FGF12: variants seen among roughly 807,000 people sequenced by gnomAD.
FGF12 encodes fibroblast growth factor 12, also known as fibroblast growth factor 12B.
A neutral mutation model predicts 23.6 loss-of-function variants in FGF12; 14 were observed. That is an observed-to-expected ratio of 0.59 (90% CI 0.39 to 0.93). FGF12 has a LOEUF of 0.93. FGF12 is among the 40% of genes least tolerant of loss of function. FGF12 has a pLI of 0.00. For synonymous variants in FGF12, 62 were observed against 77.3 expected, an observed-to-expected ratio of 0.80 and a Z score of 1.04; for missense variants, 175 against 217.8, an observed-to-expected ratio of 0.80 and a Z score of 1.24.
intron 2 of FGF12, among the ~76,000 whole-genome samples, chr3:192,461,993 GA>G (rs796434926): frequency 0.027 from 3,669 of 135,452 alleles, 116 homozygotes; most frequent in African/African-American, 0.085. Flanking sequence ...TCTGTCACAA[GA>G]AAAAAAAAAA....
intron 2 of FGF12, among the ~76,000 whole-genome samples, chr3:192,403,269 C>T (rs974753470): frequency 2.0e-5 from 3 of 152,172 alleles, no homozygotes; most frequent in African/African-American, 7.2e-5. Flanking sequence ...AATGCAGAGA[C>T]TGCCTCACTT....
At chr3:192,260,814 C>T (rs531305369) in intron 4 of FGF12, among the ~76,000 whole-genome samples, 1 of 152,214 alleles carries the variant, frequency 6.6e-6, no homozygotes, top group Non-Finnish European at 1.5e-5. Context: ...TTAAACTTTA[C>T]TAGGCTCTAA....
intron 4 of FGF12, among the ~76,000 whole-genome samples, chr3:192,246,411 G>T (rs1711566179): frequency 1.3e-5 from 2 of 152,168 alleles, no homozygotes; most frequent in Admixed American, 1.3e-4. Context: ...TTAAGATGTT[G>T]TAGATAGATA....
At chr3:192,289,002 G>C (rs913949958) in intron 4 of FGF12, among the ~76,000 whole-genome samples, 12 of 152,004 alleles carry the variant, frequency 7.9e-5, no homozygotes, top group Non-Finnish European at 1.5e-4. Flanking sequence ...GCTACAAGAG[G>C]AAACCACTCA....
chr3:192,620,041 C>G (rs192621252), intron 2 of FGF12, among the ~76,000 whole-genome samples: 1 of 152,128 alleles, frequency 6.6e-6, no homozygotes, highest in East Asian at 1.9e-4. Context: ...GCTCAGTGGG[C>G]GAGAAGAGCT....
At chr3:192,147,222 T>C (rs1240147844) in intron 5 of FGF12, among the ~76,000 whole-genome samples, 2 of 152,238 alleles carry the variant, frequency 1.3e-5, no homozygotes, top group Non-Finnish European at 2.9e-5. Context: ...TCTTGAGCAT[T>C]AATTTTCATT....
intron 2 of FGF12, among the ~76,000 whole-genome samples, chr3:192,462,970 G>A (rs1306369105): frequency 2.0e-5 from 3 of 152,182 alleles, no homozygotes; most frequent in Admixed American, 2.0e-4. Flanking sequence ...GTGGGGATAT[G>A]AAACCATGCT....
rs1234555433 is a variant in FGF12 at position 192,141,127 on chromosome 3, CCAAAA to C, written c.*2877_*2881del. The C allele has an allele frequency of 1.8e-3, 40 of 21,856 alleles. No homozygotes were observed. Among genetic ancestry groups the C allele is most frequent in the African/African-American group, 8.5e-3 (39 of 4,614 alleles). The allele number at this position is 21,856 out of a possible 1,614,324, so 1.4% of individuals were successfully genotyped here. ...TCCTGGGAAAAATCCCAATGCAACT[CCAAAA>C]AAAAAAAAAAAAAAAAAAAAAAGCT... On this transcript the variant is annotated 3_prime_UTR_variant, in exon 6 of 6. Coordinates refer to ENST00000445105, the MANE Select transcript of FGF12 (RefSeq NM_004113.6).
chr3:192,585,091 C>T (rs1229582762), intron 2 of FGF12, among the ~76,000 whole-genome samples: 1 of 152,104 alleles, frequency 6.6e-6, no homozygotes, highest in Non-Finnish European at 1.5e-5. Flanking sequence ...GAAAAAGTTA[C>T]CCTGCTTTCA....
At chr3:192,585,907 T>A (rs1472202672) in intron 2 of FGF12, among the ~76,000 whole-genome samples, 1 of 152,142 alleles carries the variant, frequency 6.6e-6, no homozygotes, top group Non-Finnish European at 1.5e-5. Flanking sequence ...TAGCAACATA[T>A]CTAAGAACTA....
chr3:192,224,397 A>G (rs1034735384), intron 4 of FGF12, among the ~76,000 whole-genome samples: 17 of 152,154 alleles, frequency 1.1e-4, no homozygotes, highest in African/African-American at 3.6e-4. Flanking sequence ...CTTGTTTTAT[A>G]TAGTAAATAA....
chr3:192,656,312 CACACACACAGAGAG>C (rs1716419836), intron 2 of FGF12, among the ~76,000 whole-genome samples: 1 of 93,342 alleles, frequency 1.1e-5, no homozygotes. Context: ...CACACACACA[CACACACACAGAGAG>C]AGAATTATAG....
intron 2 of FGF12, among the ~76,000 whole-genome samples, chr3:192,552,015 T>C (rs767605908): frequency 2.0e-5 from 3 of 151,964 alleles, no homozygotes; most frequent in Non-Finnish European, 4.4e-5. Context: ...AGATATAAAC[T>C]TAAAGAAAAA....
Position 192,514,966 on chromosome 3 carries a change from C to A in FGF12, c.14-154428G>T. 1 of 676,722 alleles carries A rather than the reference C, an allele frequency of 1.5e-6. No individual in the cohort carries two copies. Among genetic ancestry groups the A allele is most frequent in the Non-Finnish European group, 1.8e-6 (1 of 548,040 alleles). The allele number at this position is 676,722 out of a possible 1,614,324, so 41.9% of individuals were successfully genotyped here. A position where few individuals can be genotyped will look rare whatever the true frequency, so the allele number is the denominator to read the frequency against. ...TGCCGGTCCGCCGGGGGCAGCCCTC[C>A]GAGAGCCCGAGGCGCTGCCACCCCT... is the stretch of plus-strand genomic sequence containing the variant. On this transcript the variant is annotated intron_variant, in intron 2 of 5. Transcript: ENST00000445105. The surrounding 1 kb of genome is among the most constrained non-coding windows in gnomAD (Gnocchi z 4.9).
intron 2 of FGF12, among the ~76,000 whole-genome samples, chr3:192,460,563 A>G (rs1035885831): frequency 6.6e-6 from 1 of 151,964 alleles, no homozygotes; most frequent in Non-Finnish European, 1.5e-5. Context: ...CAGCAAGCAC[A>G]GGCTACAGAC....
rs190137009 is a variant in FGF12, at chr3:192,692,658, A to G, written c.13+34523T>C. Among the ~76,000 whole-genome samples, 181 of 151,858 alleles carry G rather than the reference A, an allele frequency of 1.2e-3. 4 individuals are homozygous for G. The highest frequency in any genetic ancestry group is 4.1e-3 in the African/African-American group (169 of 41,362). ...AGAGTGGAAGTTGCAGTGAGCTAAGATCACACCACTATAATCCAGCAGCCT... is the reference window on the plus strand; with the variant it reads ...AGAGTGGAAGTTGCAGTGAGCTAAGGTCACACCACTATAATCCAGCAGCCT... On this transcript the variant is annotated intron_variant, in intron 2 of 5. Transcript: ENST00000445105.
chr3:192,416,740 C>T (rs1298337147), intron 2 of FGF12, among the ~76,000 whole-genome samples: 3 of 152,068 alleles, frequency 2.0e-5, no homozygotes, highest in Non-Finnish European at 4.4e-5. Flanking sequence ...GTAATTTTTA[C>T]ATAAAACAAT....
chr3:192,310,428 C>A (rs1028620704), intron 4 of FGF12, among the ~76,000 whole-genome samples: 5 of 152,060 alleles, frequency 3.3e-5, no homozygotes, highest in East Asian at 1.9e-4. Flanking sequence ...TCAGTTAGAG[C>A]CCTTTTAAAA....
At position 192,254,841 on chromosome 3, in the gene FGF12, C is replaced by T. The variant is rs116494011; in HGVS notation, c.228+80520G>A. 7.1e-3 allele frequency among the ~76,000 whole-genome samples: 1,073 copies of T among 152,084 alleles called. 8 individuals are homozygous for T. Among genetic ancestry groups the T allele is most frequent in the African/African-American group, 0.025 (1,039 of 41,544 alleles). ...AAGTGTGTTTATATAACAAATAGATCCTTCCTTAATATTTATTTTATAATG... is the reference window on the plus strand; with the variant it reads ...AAGTGTGTTTATATAACAAATAGATTCTTCCTTAATATTTATTTTATAATG... On this transcript the variant is annotated intron_variant, in intron 4 of 5. Coordinates refer to ENST00000445105, the MANE Select transcript of FGF12 (RefSeq NM_004113.6).
Sources: allele counts gnomAD v4.1 joint callset (sites outside exome capture counted in the v4.1 genomes callset), GRCh38; gene constraint gnomAD v4.1.1; non-coding constraint Gnocchi (gnomAD v3.1); transcripts MANE v1.5; gene names NCBI Gene and HGNC (gene_info 2026-07-23, HGNC 2026-07-21).